EDF1: variants seen among roughly 807,000 people sequenced by gnomAD.
EDF1 encodes the protein endothelial differentiation-related factor 1.
In EDF1, 5 loss-of-function variants were observed where a neutral mutation model predicts 20.8. The observed-to-expected ratio is 0.24, with a 90% confidence interval of 0.13 to 0.51. The LOEUF (loss-of-function observed/expected upper bound fraction) is 0.51. Among genes scored for constraint, EDF1 ranks in the 20% least tolerant of loss-of-function variants. EDF1 has a pLI of 0.97. For synonymous variants in EDF1, 96 were observed against 78.5 expected, an observed-to-expected ratio of 1.22 and a Z score of -1.18; for missense variants, 137 against 197.8, an observed-to-expected ratio of 0.69 and a Z score of 1.84.
In EDF1 at chr9:136,862,655, C is replaced by T; in HGVS notation, c.385+251G>A. On this transcript the variant is annotated intron_variant, in intron 4 of 4. Transcript: ENST00000224073. The surrounding 1 kb of genome is among the most constrained non-coding windows in gnomAD (Gnocchi z 4.1). ...CTCAGGCTCAGAGAACCATCGCCAA[C>T]AGCACAGGCTGACGGGAACTGGCAA... The T allele has an allele frequency of 6.7e-7, 1 of 1,493,384 alleles. No homozygotes were observed. Among genetic ancestry groups the T allele is most frequent in the Non-Finnish European group, 8.9e-7 (1 of 1,127,508 alleles). The allele number at this position is 1,493,384 out of a possible 1,614,324, so 92.5% of individuals were successfully genotyped here.
At chr9:136,865,181 G>A (rs1244854351) in intron 1 of EDF1, among the ~76,000 whole-genome samples, 3 of 152,152 alleles carry the variant, frequency 2.0e-5, no homozygotes, top group Non-Finnish European at 2.9e-5. Context: ...CTGAGGGTAC[G>A]AATGAGGCAG....
Position 136,863,092 on chromosome 9 carries a change from GC to G in EDF1, c.292-94del, listed in dbSNP as rs1211995640. ...TCGCCTGAGAACAGCAGCTTCTAGG[GC>G]CCCTGGGGTACGCACCCACACGCAG... On this transcript the variant is annotated intron_variant, in intron 3 of 4. Coordinates refer to ENST00000224073, the MANE Select transcript of EDF1 (RefSeq NM_003792.4). This position sits in a 1 kb window ranked among gnomAD's most constrained non-coding sequence, Gnocchi z 4.5. 3 of 1,561,352 alleles carry G rather than the reference GC, an allele frequency of 1.9e-6. No individual in the cohort carries two copies. Among genetic ancestry groups the G allele is most frequent in the Non-Finnish European group, 2.6e-6 (3 of 1,139,192 alleles).
At chr9:136,864,188 C>G (rs1010728911) in intron 1 of EDF1, among the ~76,000 whole-genome samples, 3 of 152,160 alleles carry the variant, frequency 2.0e-5, no homozygotes, top group African/African-American at 7.2e-5. Flanking sequence ...ATACAAAAGC[C>G]TCTACAATCA....
In EDF1 at chr9:136,862,860, A is replaced by G; in HGVS notation, c.385+46T>C. On this transcript the variant is annotated intron_variant, in intron 4 of 4. Coordinates refer to ENST00000224073, the MANE Select transcript of EDF1 (RefSeq NM_003792.4). The surrounding 1 kb of genome is among the most constrained non-coding windows in gnomAD (Gnocchi z 4.1). ...TCACCAACCCCAGCTGGGAGCGGGT[A>G]GCCTCCCTGTTCAGCGGACCCGGCG... 1 of 1,612,114 alleles carries G rather than the reference A, an allele frequency of 6.2e-7. No homozygotes were observed. The highest frequency in any genetic ancestry group is 8.5e-7 in the Non-Finnish European group (1 of 1,179,950).
chr9:136,864,323 G>C (rs1219378738), intron 1 of EDF1, among the ~76,000 whole-genome samples: 3 of 150,618 alleles, frequency 2.0e-5, no homozygotes, highest in Non-Finnish European at 4.4e-5. Context: ...GCCCAGGCTG[G>C]TCTGGAACTC....
In EDF1 at chr9:136,863,562, G is replaced by A. The variant is rs559172365; in HGVS notation, c.131-114C>T. The A allele has an allele frequency of 4.3e-4, 590 of 1,370,702 alleles. No individual in the cohort carries two copies. Among genetic ancestry groups the A allele is most frequent in the Non-Finnish European group, 4.4e-4 (444 of 1,020,034 alleles). 84.9% of individuals were successfully genotyped at this position (1,370,702 alleles called of 1,614,324 possible). A position where few individuals can be genotyped will look rare whatever the true frequency, so the allele number is the denominator to read the frequency against. On this transcript the variant is annotated intron_variant, in intron 2 of 4. Coordinates refer to ENST00000224073, the MANE Select transcript of EDF1 (RefSeq NM_003792.4). This position sits in a 1 kb window ranked among gnomAD's most constrained non-coding sequence, Gnocchi z 4.5. ...GCTGCCTGAACTCAAGGGGACATGG[G>A]AACCCAGGCTGTCCCAAGTTCACAC...
intron 1 of EDF1, among the ~76,000 whole-genome samples, chr9:136,865,165 G>A (rs1284918124): frequency 6.6e-6 from 1 of 152,148 alleles, no homozygotes; most frequent in East Asian, 1.9e-4. Context: ...TTCAGCCCTA[G>A]GCCACCTGAG....
In EDF1 at chr9:136,862,216, G is replaced by T; in HGVS notation, c.*68C>A. 6.2e-7 allele frequency: 1 copy of T among 1,602,846 alleles called. No homozygotes were observed. Among genetic ancestry groups the T allele is most frequent in the South Asian group, 1.1e-5 (1 of 90,838 alleles). On this transcript the variant is annotated 3_prime_UTR_variant, in exon 5 of 5. Coordinates refer to ENST00000224073, the MANE Select transcript of EDF1 (RefSeq NM_003792.4). The surrounding 1 kb of genome is among the most constrained non-coding windows in gnomAD (Gnocchi z 4.1). Reference sequence around the variant, plus strand: ...TTCCGTTCGGCCCGTGAGGAGAACGGAACTGGCGGCCAAGGGGAACCGGCG... The same window carrying T: ...TTCCGTTCGGCCCGTGAGGAGAACGTAACTGGCGGCCAAGGGGAACCGGCG...
rs1030288168 is a variant in EDF1 at position 136,862,174 on chromosome 9, G to A, written c.*110C>T. The A allele has an allele frequency of 1.3e-5, 19 of 1,411,016 alleles. No individual in the cohort carries two copies. The highest frequency in any genetic ancestry group is 9.4e-5 in the South Asian group (8 of 85,370). 87.4% of individuals were successfully genotyped at this position (1,411,016 alleles called of 1,614,324 possible). On this transcript the variant is annotated 3_prime_UTR_variant, in exon 5 of 5. Transcript: ENST00000224073. The surrounding 1 kb of genome is among the most constrained non-coding windows in gnomAD (Gnocchi z 4.1). ...AGGAATGGGCTGGGGAGGGTCCCCC[G>A]CAAGCTGGACCCCTTGTTCCGTTCG...
rs762124370 is a variant in EDF1, at chr9:136,863,919, T to C, written c.79-48A>G. ...TGGATCAAAATTAGCTTTGACAGTA[T>C]CCAGCACACACCAATTCAGGCCTGC... On this transcript the variant is annotated intron_variant, in intron 1 of 4. Coordinates refer to ENST00000224073, the MANE Select transcript of EDF1 (RefSeq NM_003792.4). This position sits in a 1 kb window ranked among gnomAD's most constrained non-coding sequence, Gnocchi z 4.5. 1 of 1,601,588 alleles carries C rather than the reference T, an allele frequency of 6.2e-7. No individual in the cohort carries two copies. The highest frequency in any genetic ancestry group is 8.5e-7 in the Non-Finnish European group (1 of 1,170,324).
Position 136,866,294 on chromosome 9 carries a change from C to A in EDF1, c.-36G>T, listed in dbSNP as rs1321059925. The A allele has an allele frequency of 2.5e-6, 4 of 1,588,636 alleles. No individual in the cohort carries two copies. The highest frequency in any genetic ancestry group is 3.4e-6 in the Non-Finnish European group (4 of 1,172,106). On this transcript the variant is annotated 5_prime_UTR_variant, in exon 1 of 5. Transcript: ENST00000224073. ...GACGAGCGTCCGTCCGGCGGCTCAG[C>A]GGCAGCTGCTAGAGACCTGGCGCGG... is the stretch of plus-strand genomic sequence containing the variant.
At chr9:136,865,495 T>G (rs1397348834) in intron 1 of EDF1, among the ~76,000 whole-genome samples, 1 of 150,936 alleles carries the variant, frequency 6.6e-6, no homozygotes, top group Non-Finnish European at 1.5e-5. Context: ...CCCACTCAGG[T>G]CACTAACCTC....
At position 136,863,045 on chromosome 9, in the gene EDF1, C is replaced by A; in HGVS notation, c.292-46G>T. The A allele has an allele frequency of 6.2e-7, 1 of 1,609,966 alleles. No individual in the cohort carries two copies. The highest frequency in any genetic ancestry group is 8.5e-7 in the Non-Finnish European group (1 of 1,177,464). On this transcript the variant is annotated intron_variant, in intron 3 of 4. Transcript: ENST00000224073. This position sits in a 1 kb window ranked among gnomAD's most constrained non-coding sequence, Gnocchi z 4.5. ...ATACACATCAGCTCCACTAGGACTG[C>A]TGCAAAACCAGGCGCGAAGCGTCGC...
At position 136,863,716 on chromosome 9, in the gene EDF1, C is replaced by T; in HGVS notation, c.130+104G>A. On this transcript the variant is annotated intron_variant, in intron 2 of 4. Coordinates refer to ENST00000224073, the MANE Select transcript of EDF1 (RefSeq NM_003792.4). The surrounding 1 kb of genome is among the most constrained non-coding windows in gnomAD (Gnocchi z 4.5). ...TCCGGCCAGCACCGGTGCAGGCAGG[C>T]ACTCAGCTGACAACGTCCCCGGGGG... The T allele has an allele frequency of 7.1e-7, 1 of 1,412,686 alleles. No individual in the cohort carries two copies. Among genetic ancestry groups the T allele is most frequent in the Non-Finnish European group, 9.9e-7 (1 of 1,009,242 alleles). 87.5% of individuals were successfully genotyped at this position (1,412,686 alleles called of 1,614,324 possible).
Position 136,862,635 on chromosome 9 carries a change from G to C in EDF1, c.385+271C>G, listed in dbSNP as rs1849126625. ...CAGGGCCCGGACCCGCTGTGCTCAG[G>C]CTCAGAGAACCATCGCCAACAGCAC... On this transcript the variant is annotated intron_variant, in intron 4 of 4. Coordinates refer to ENST00000224073, the MANE Select transcript of EDF1 (RefSeq NM_003792.4). This position sits in a 1 kb window ranked among gnomAD's most constrained non-coding sequence, Gnocchi z 4.1. The C allele has an allele frequency of 9.3e-6, 14 of 1,505,442 alleles. No homozygotes were observed. The highest frequency in any genetic ancestry group is 4.8e-4 in the Middle Eastern group (2 of 4,178). 93.3% of individuals were successfully genotyped at this position (1,505,442 alleles called of 1,614,324 possible). A position where few individuals can be genotyped will look rare whatever the true frequency, so the allele number is the denominator to read the frequency against.
chr9:136,863,680 C>T lies in EDF1; in HGVS notation c.130+140G>A. 1 of 1,170,840 alleles carries T rather than the reference C, an allele frequency of 8.5e-7. No homozygotes were observed. The highest frequency in any genetic ancestry group is 1.2e-6 in the Non-Finnish European group (1 of 817,788). 72.5% of individuals were successfully genotyped at this position (1,170,840 alleles called of 1,614,324 possible). A position where few individuals can be genotyped will look rare whatever the true frequency, so the allele number is the denominator to read the frequency against. ...CAGAGCTGCTCTGGGAAGATGGCTG[C>T]CTCCCAGGGCTCCGGCCAGCACCGG... On this transcript the variant is annotated intron_variant, in intron 2 of 4. Coordinates refer to ENST00000224073, the MANE Select transcript of EDF1 (RefSeq NM_003792.4). This position sits in a 1 kb window ranked among gnomAD's most constrained non-coding sequence, Gnocchi z 4.5.
Position 136,862,945 on chromosome 9 carries a change from G to A in EDF1, c.346C>T (p.Pro116Ser). Residue 116 changes from proline (P) to serine (S), a missense_variant, in exon 4 of 5, where the codon CCC (proline) becomes TCC (serine). Pro to Ser is a moderately conservative substitution (Grantham distance 74). Coordinates refer to ENST00000224073, the MANE Select transcript of EDF1 (RefSeq NM_003792.4). This position sits in a 1 kb window ranked among gnomAD's most constrained non-coding sequence, Gnocchi z 4.1. ...IADYESGRAI[P>S]NNQVLGKIER... is the part of the protein sequence containing the mutation. ...ATTTTGCCAAGCACCTGGTTATTGG[G>A]TATGGCCCGTCCGCTCTCATAGTCC... 6.2e-7 allele frequency: 1 copy of A among 1,613,974 alleles called. No individual in the cohort carries two copies. Among genetic ancestry groups the A allele is most frequent in the Non-Finnish European group, 8.5e-7 (1 of 1,180,014 alleles).
At position 136,863,214 on chromosome 9, in the gene EDF1, G is replaced by A. The variant is rs528408822; in HGVS notation, c.291+74C>T. ...CAGGGGGGTGGAGCCCACCCTCCCCGTGCTATCTGAACACCGGCCATCCCC... is the reference window on the plus strand; with the variant it reads ...CAGGGGGGTGGAGCCCACCCTCCCCATGCTATCTGAACACCGGCCATCCCC... On this transcript the variant is annotated intron_variant, in intron 3 of 4. Coordinates refer to ENST00000224073, the MANE Select transcript of EDF1 (RefSeq NM_003792.4). The surrounding 1 kb of genome is among the most constrained non-coding windows in gnomAD (Gnocchi z 4.5). The A allele has an allele frequency of 5.7e-5, 89 of 1,566,436 alleles. No individual in the cohort carries two copies. Among genetic ancestry groups the A allele is most frequent in the South Asian group, 7.0e-5 (6 of 86,130 alleles).
Position 136,863,816 on chromosome 9 carries a change from C to T in EDF1, c.130+4G>A, listed in dbSNP as rs142294676. ...ATGTTGCAAGCGGAAACACAAGTAC[C>T]TACATTTCTTGGAAGTCTCCACATC... On this transcript the variant is annotated splice_donor_region_variant and intron_variant, in intron 2 of 4. Transcript: ENST00000224073. This position sits in a 1 kb window ranked among gnomAD's most constrained non-coding sequence, Gnocchi z 4.5. The T allele has an allele frequency of 1.9e-6, 3 of 1,613,958 alleles. No individual in the cohort carries two copies. The East Asian group carries it at 6.7e-5, about 36-fold the overall frequency.
Sources: gnomAD v4.1 joint callset for allele counts (sites outside exome capture counted in the v4.1 genomes callset) on GRCh38, gnomAD v4.1.1 for gene constraint, Gnocchi (gnomAD v3.1) non-coding constraint, MANE v1.5 for transcripts, NCBI Gene and HGNC (gene_info 2026-07-23, HGNC 2026-07-21) for gene names.